RBFOX1: variants seen among roughly 807,000 people sequenced by gnomAD.
RBFOX1 encodes RNA binding protein fox-1 homolog 1.
In RBFOX1, 8 loss-of-function variants were observed where a neutral mutation model predicts 57.7. That is an observed-to-expected ratio of 0.14 (90% CI 0.08 to 0.25). The LOEUF is 0.25. Among genes scored for constraint, RBFOX1 ranks in the 10% least tolerant of loss-of-function variants. The probability of loss-of-function intolerance (pLI) is 1.00; values close to 1 mark genes in which losing one functional copy is unlikely to be tolerated. For synonymous variants in RBFOX1, 326 were observed against 222.4 expected (o/e 1.47, Z -4.15); for missense variants, 611 against 548.5 (o/e 1.11, Z -1.14).
At position 7,006,724 on chromosome 16, in the gene RBFOX1, G is replaced by C. The variant is rs143702657; in HGVS notation, c.-15-45333G>C. On this transcript the variant is annotated intron_variant, in intron 3 of 15. Transcript: ENST00000550418. Reference sequence around the variant, plus strand: ...TGGTCTCCCAATGTGCTGGGATTACGGACATGAGCCACCATGCCTGGCAAT... The same window carrying C: ...TGGTCTCCCAATGTGCTGGGATTACCGACATGAGCCACCATGCCTGGCAAT... Among the ~76,000 whole-genome samples, 338 of 152,186 alleles carry C rather than the reference G, an allele frequency of 2.2e-3. 3 individuals are homozygous for C. Among genetic ancestry groups the C allele is most frequent in the African/African-American group, 7.1e-3 (293 of 41,538 alleles).
At chr16:5,597,354 C>A (rs1489497817) in intron 2 of RBFOX1, among the ~76,000 whole-genome samples, 2 of 150,288 alleles carry the variant, frequency 1.3e-5, no homozygotes, top group African/African-American at 4.9e-5. Context: ...CTCTCTCTGC[C>A]CAGGAAGTTA....
intron 2 of RBFOX1, among the ~76,000 whole-genome samples, chr16:6,632,969 T>G (rs1306434385): frequency 6.6e-6 from 1 of 151,940 alleles, no homozygotes; most frequent in Non-Finnish European, 1.5e-5. Context: ...CTGGCAGAGG[T>G]TACAAAAATA....
In RBFOX1 at chr16:6,938,644, A is replaced by G. The variant is rs1349939228; in HGVS notation, c.-15-113413A>G. ...TGTTTATAGGAGGACAATCTAGGTT[A>G]AAGGGCAGAAAATTGTATTTTTGGT... is the stretch of plus-strand genomic sequence containing the variant. On this transcript the variant is annotated intron_variant, in intron 3 of 15. Coordinates refer to ENST00000550418, the MANE Select transcript of RBFOX1 (RefSeq NM_018723.4). Among the ~76,000 whole-genome samples the G allele has an allele frequency of 5.9e-5, 9 of 152,262 alleles. No individual in the cohort carries two copies. The East Asian group carries it at 9.7e-4, about 16-fold the overall frequency.
chr16:6,704,306 T>G (rs1382916745), intron 3 of RBFOX1: 1 of 152,176 alleles, frequency 6.6e-6, no homozygotes, highest in Non-Finnish European at 1.5e-5. Flanking sequence ...CCTCTTGAGC[T>G]AAAACAGAAA....
chr16:5,607,958 T>G (rs992028321), intron 3 of RBFOX1, among the ~76,000 whole-genome samples: 2 of 152,210 alleles, frequency 1.3e-5, no homozygotes, highest in African/African-American at 4.8e-5. Flanking sequence ...TGTTTGTAGT[T>G]TGGGGCTATG....
In RBFOX1 at chr16:6,895,442, GTGTGTGTATATATATATATA is replaced by G. The variant is rs1170458969; in HGVS notation, c.-15-156613_-15-156594del. Among the ~76,000 whole-genome samples, 292 of 78,658 alleles carry G rather than the reference GTGTGTGTATATATATATATA, an allele frequency of 3.7e-3. 4 individuals carry two copies. Among genetic ancestry groups the G allele is most frequent in the African/African-American group, 0.013 (250 of 19,908 alleles). The allele number at this position is 78,658 out of a possible 152,430, so 51.6% of individuals were successfully genotyped here. ...TATGTGTGTGTGTGTGTGTGTGTGT[GTGTGTGTATATATATATATA>G]TATATATATATATATATATATATAT... On this transcript the variant is annotated intron_variant, in intron 3 of 15. Transcript: ENST00000550418.
chr16:6,452,794 C>A (rs1296860530), intron 2 of RBFOX1, among the ~76,000 whole-genome samples: 1 of 152,166 alleles, frequency 6.6e-6, no homozygotes, highest in African/African-American at 2.4e-5. Context: ...AATAATGAGT[C>A]TCTCTGTGTC....
intron 2 of RBFOX1, 23 bp from the exon 3 acceptor site, chr16:6,654,580 C>T: frequency 1.3e-6 from 2 of 1,498,394 alleles, no homozygotes. Flanking sequence ...CTCTCACTTT[C>T]CTTTCTTTTC....
chr16:5,829,124 C>G (rs1011404979), intron 3 of RBFOX1, among the ~76,000 whole-genome samples: 54 of 152,230 alleles, frequency 3.5e-4, no homozygotes, highest in East Asian at 1.9e-4. Flanking sequence ...GAGGAGACCA[C>G]TCAAAGGAAT....
intron 3 of RBFOX1, among the ~76,000 whole-genome samples, chr16:6,981,111 CTCTTT>C (rs1409378280): frequency 1.4e-5 from 2 of 145,976 alleles, no homozygotes; most frequent in African/African-American, 5.1e-5. Flanking sequence ...ATTAAGTAAA[CTCTTT>C]TTTTATTTTT....
chr16:7,406,590 C>T (rs954208260), intron 4 of RBFOX1, among the ~76,000 whole-genome samples: 1 of 152,188 alleles, frequency 6.6e-6, no homozygotes, highest in African/African-American at 2.4e-5. Flanking sequence ...ACAAACTTTC[C>T]GGAATCCAGT....
intron 3 of RBFOX1, among the ~76,000 whole-genome samples, chr16:7,012,039 T>G (rs1450004384): frequency 2.0e-5 from 3 of 152,186 alleles, no homozygotes; most frequent in African/African-American, 7.2e-5. Flanking sequence ...CAAATCAGAT[T>G]ATCCAGACCT....
At chr16:6,879,654 G>T (rs554139200) in intron 3 of RBFOX1, among the ~76,000 whole-genome samples, 2 of 152,306 alleles carry the variant, frequency 1.3e-5, no homozygotes, top group African/African-American at 4.8e-5. Flanking sequence ...GTAAGGTCCA[G>T]TTGTGTTATT....
intron 3 of RBFOX1, among the ~76,000 whole-genome samples, chr16:6,789,477 T>C (rs892127342): frequency 1.2e-4 from 19 of 152,170 alleles, no homozygotes; most frequent in African/African-American, 3.6e-4. Flanking sequence ...GTTGGTATTT[T>C]AGAGAGAAGC....
In RBFOX1 at chr16:6,222,860, C is replaced by G. The variant is rs997229302; in HGVS notation, c.-126-94135C>G. On this transcript the variant is annotated intron_variant, in intron 1 of 15. Coordinates refer to ENST00000550418, the MANE Select transcript of RBFOX1 (RefSeq NM_018723.4). ...ATGCTATCCTTCCGCCCTACCCCCA[C>G]CCCACAACAGTCCCCAGAGTGTGAT... Among the ~76,000 whole-genome samples, 5 of 152,078 alleles carry G rather than the reference C, an allele frequency of 3.3e-5. 1 individual carries two copies. The highest frequency in any genetic ancestry group is 1.2e-4 in the African/African-American group (5 of 41,482).
At chr16:6,032,839 C>G (rs1185050998) in intron 1 of RBFOX1, among the ~76,000 whole-genome samples, 3 of 149,948 alleles carry the variant, frequency 2.0e-5, no homozygotes, top group Non-Finnish European at 3.0e-5. Context: ...TATAATTTGT[C>G]TTTTCCCAGA....
chr16:7,009,774 A>C (rs1332718955), intron 3 of RBFOX1, among the ~76,000 whole-genome samples: 2 of 152,210 alleles, frequency 1.3e-5, no homozygotes, highest in Non-Finnish European at 2.9e-5. Context: ...AGTGGCATTC[A>C]GCTCTGTAAC....
intron 4 of RBFOX1, among the ~76,000 whole-genome samples, chr16:7,438,508 C>T (rs533063031): frequency 1.3e-5 from 2 of 152,292 alleles, no homozygotes; most frequent in South Asian, 2.1e-4. Flanking sequence ...GGAACATCCA[C>T]GGACTCCAGC....
At chr16:6,578,610 T>TGC (rs1600435886) in intron 2 of RBFOX1, among the ~76,000 whole-genome samples, 2 of 148,992 alleles carry the variant, frequency 1.3e-5, no homozygotes, top group East Asian at 4.1e-4. Flanking sequence ...TGTGTGTGTG[T>TGC]GTGAGCATGG....
Sources: allele counts gnomAD v4.1 joint callset (sites outside exome capture counted in the v4.1 genomes callset), GRCh38; gene constraint gnomAD v4.1.1; transcripts MANE v1.5; gene names NCBI Gene and HGNC (gene_info 2026-07-23, HGNC 2026-07-21).